LARP4B: variants seen among roughly 807,000 people sequenced by gnomAD.
LARP4B encodes the protein La ribonucleoprotein 4B.
LARP4B carries 12 observed loss-of-function variants against 89.8 expected under a neutral mutation model. The observed-to-expected ratio is 0.13, with a 90% CI of 0.09 to 0.22. The LOEUF is 0.22. LARP4B is among the 10% of genes least tolerant of loss of function. The pLI, the probability that LARP4B is intolerant of heterozygous loss-of-function variation, is 1.00. For missense variants in LARP4B, 757 were observed against 947.7 expected (o/e 0.80, Z 2.64); for synonymous variants, 367 against 363.3 (o/e 1.01, Z -0.12).
chr10:905,247 G>C (rs1330504887), intron 1 of LARP4B, among the ~76,000 whole-genome samples: 1 of 152,134 alleles, frequency 6.6e-6, no homozygotes, highest in African/African-American at 2.4e-5. Flanking sequence ...ATCTGAACCT[G>C]CAAATTACCT....
Position 813,119 on chromosome 10 carries a change from T to A in LARP4B, c.2024A>T (p.Asn675Ile). 1 of 1,614,126 alleles carries A rather than the reference T, an allele frequency of 6.2e-7. No homozygotes were observed. Among genetic ancestry groups the A allele is most frequent in the Non-Finnish European group, 8.5e-7 (1 of 1,180,016 alleles). The change falls in exon 18 of 18, where the codon AAC (asparagine) becomes ATC (isoleucine). Residue 675 changes from asparagine (N) to isoleucine (I), a missense_variant. Asn to Ile is a moderately radical substitution (Grantham distance 149). Coordinates refer to ENST00000316157, the MANE Select transcript of LARP4B (RefSeq NM_015155.3). Reference protein sequence around the residue: ...PLQPQKEQKPNTVGCGKEEKK... With the variant: ...PLQPQKEQKPITVGCGKEEKK... ...TTCCTCCTTCCCACAACCAACAGTG[T>A]TTGGCTTTTGTTCTTTTTGGGGTTG...
intron 5 of LARP4B, among the ~76,000 whole-genome samples, chr10:861,676 C>A (rs533977258): frequency 1.3e-5 from 2 of 152,204 alleles, no homozygotes; most frequent in East Asian, 3.9e-4. Context: ...TATCTCCTGT[C>A]TTCAGGCAGA....
intron 5 of LARP4B, among the ~76,000 whole-genome samples, chr10:858,283 C>T (rs1010438123): frequency 6.6e-5 from 10 of 152,038 alleles, no homozygotes; most frequent in South Asian, 2.1e-4. Flanking sequence ...AGGCGTGCCA[C>T]GATCGTTCTA....
intron 1 of LARP4B, among the ~76,000 whole-genome samples, chr10:893,354 G>C (rs145123927): frequency 6.6e-6 from 1 of 152,136 alleles, no homozygotes; most frequent in African/African-American, 2.4e-5. Flanking sequence ...GGATAAAGTT[G>C]ATAAGAATTT....
At position 900,922 on chromosome 10, in the gene LARP4B, T is replaced by A. The variant is rs1324840501; in HGVS notation, c.-39-15162A>T. Reference sequence around the variant, plus strand: ...GTGAGCCACCAGCGCCTGGCCTCTTTTTTTTTTTTTTTTTGAGACGGAGTC... The same window carrying A: ...GTGAGCCACCAGCGCCTGGCCTCTTATTTTTTTTTTTTTTGAGACGGAGTC... On this transcript the variant is annotated intron_variant, in intron 1 of 17. Transcript: ENST00000316157. Among the ~76,000 whole-genome samples, 6 of 130,624 alleles carry A rather than the reference T, an allele frequency of 4.6e-5. No individual in the cohort carries two copies. In the Admixed American group the frequency reaches 4.7e-4, roughly 10 times the overall value. 85.7% of individuals were successfully genotyped at this position (130,624 alleles called of 152,430 possible).
Position 931,702 on chromosome 10 carries a change from G to A in LARP4B, c.-314C>T, listed in dbSNP as rs989439072. 3 of 151,602 alleles carry A rather than the reference G, an allele frequency of 2.0e-5. No homozygotes were observed. Among genetic ancestry groups the A allele is most frequent in the South Asian group, 3.6e-4 (2 of 5,604 alleles). The allele number at this position is 151,602 out of a possible 1,614,324, so 9.4% of individuals were successfully genotyped here. On this transcript the variant is annotated 5_prime_UTR_variant, in exon 1 of 18. Coordinates refer to ENST00000316157, the MANE Select transcript of LARP4B (RefSeq NM_015155.3). ...CTTCCCGTTCGCATGAGAACACACAGCTCCCACTTCCGGGGCCCTGCGGAA... is the reference window on the plus strand; with the variant it reads ...CTTCCCGTTCGCATGAGAACACACAACTCCCACTTCCGGGGCCCTGCGGAA...
the LARP4B span, among the ~76,000 whole-genome samples, chr10:977,444 C>G: frequency 1.3e-5 from 2 of 151,862 alleles, no homozygotes; most frequent in Admixed American, 1.3e-4. Flanking sequence ...GAGGCTGAGG[C>G]AGGAGAATCA....
At chr10:964,457 C>T in the LARP4B span, among the ~76,000 whole-genome samples, 1 of 151,906 alleles carries the variant, frequency 6.6e-6, no homozygotes, top group Non-Finnish European at 1.5e-5. Context: ...GCACAGTCCC[C>T]AGAAATCTGT....
chr10:897,302 T>C (rs964533049), intron 1 of LARP4B, among the ~76,000 whole-genome samples: 4 of 152,204 alleles, frequency 2.6e-5, no homozygotes, highest in African/African-American at 9.6e-5. Context: ...CAACAAATGG[T>C]GCTGGGACAA....
the LARP4B span, among the ~76,000 whole-genome samples, chr10:980,847 C>T: frequency 1.3e-5 from 2 of 152,254 alleles, no homozygotes; most frequent in Admixed American, 1.3e-4. Context: ...ATTCTGCAGC[C>T]TGCTTTAGTT....
At chr10:980,771 C>T in the LARP4B span, among the ~76,000 whole-genome samples, 1 of 152,232 alleles carries the variant, frequency 6.6e-6, no homozygotes, top group Non-Finnish European at 1.5e-5. Flanking sequence ...TCTGAAATGC[C>T]TTCAAGCCTT....
chr10:973,358 C>G, the LARP4B span, among the ~76,000 whole-genome samples: 1 of 148,458 alleles, frequency 6.7e-6, no homozygotes, highest in Non-Finnish European at 1.5e-5. Context: ...TTTTGGTGAA[C>G]TTTTTTTTTT....
chr10:820,677 C>A lies in LARP4B; in HGVS notation c.1530+123G>T, dbSNP rs147045440. Reference sequence around the variant, plus strand: ...GTCAGTTATTACTTAGTGGATTTCACGTTACAAGTCTTTTGAAATGCTCAT... The same window carrying A: ...GTCAGTTATTACTTAGTGGATTTCAAGTTACAAGTCTTTTGAAATGCTCAT... On this transcript the variant is annotated intron_variant, in intron 14 of 17. Transcript: ENST00000316157. 1.6e-4 allele frequency: 140 copies of A among 873,216 alleles called. 1 individual carries two copies. In the African/African-American group the frequency reaches 2.2e-3, roughly 14 times the overall value. The allele number at this position is 873,216 out of a possible 1,614,324, so 54.1% of individuals were successfully genotyped here.
At chr10:845,118 G>A in intron 5 of LARP4B, 63 bp from the exon 6 acceptor site, 1 of 1,194,358 alleles carries the variant, frequency 8.4e-7, no homozygotes, top group Non-Finnish European at 1.2e-6. Context: ...AGATAATTCA[G>A]TACAGCAGTT....
chr10:923,821 T>A (rs772979104), intron 1 of LARP4B, among the ~76,000 whole-genome samples: 2 of 152,174 alleles, frequency 1.3e-5, no homozygotes, highest in African/African-American at 4.8e-5. Flanking sequence ...CTCTCTGAAA[T>A]GTGAAAACAA....
the LARP4B span, among the ~76,000 whole-genome samples, chr10:969,918 G>A: frequency 1.3e-5 from 2 of 152,088 alleles, no homozygotes; most frequent in Non-Finnish European, 2.9e-5. Context: ...GAGCATTTTG[G>A]CAGTCATGAG....
chr10:925,674 C>T (rs1837116625), intron 1 of LARP4B, among the ~76,000 whole-genome samples: 1 of 152,098 alleles, frequency 6.6e-6, no homozygotes, highest in South Asian at 2.1e-4. Flanking sequence ...GCTGGGATTA[C>T]GAGCACGCAC....
At position 822,666 on chromosome 10, in the gene LARP4B, T is replaced by C. The variant is rs1292448034; in HGVS notation, c.1485-1821A>G. On this transcript the variant is annotated intron_variant, in intron 13 of 17. Coordinates refer to ENST00000316157, the MANE Select transcript of LARP4B (RefSeq NM_015155.3). This position sits in a 1 kb window ranked among gnomAD's most constrained non-coding sequence, Gnocchi z 4.6. ...ATGGTGGGTTACAGCTCACAAGGGG[T>C]AGCAAGGGACCCAGGGTGGTCCCAG... Among the ~76,000 whole-genome samples, 1 of 152,042 alleles carries C rather than the reference T, an allele frequency of 6.6e-6. No homozygotes were observed. The highest frequency in any genetic ancestry group is 2.4e-5 in the African/African-American group (1 of 41,386).
At chr10:888,968 C>A (rs1835940097) in intron 1 of LARP4B, among the ~76,000 whole-genome samples, 5 of 152,124 alleles carry the variant, frequency 3.3e-5, no homozygotes, top group African/African-American at 1.2e-4. Flanking sequence ...GCCTGTAGTC[C>A]CAGCTCCTTC....
Sources: allele counts gnomAD v4.1 joint callset (sites outside exome capture counted in the v4.1 genomes callset), GRCh38; gene constraint gnomAD v4.1.1; non-coding constraint Gnocchi (gnomAD v3.1); transcripts MANE v1.5; gene names NCBI Gene and HGNC (gene_info 2026-07-23, HGNC 2026-07-21).